Variants in DPP6 observed in about 807,000 individuals in gnomAD.
DPP6 encodes dipeptidyl peptidase like 6, also known as A-type potassium channel modulatory protein DPP6.
In DPP6, 69 loss-of-function variants were observed where a neutral mutation model predicts 122.6. The observed-to-expected ratio is 0.56, with a 90% CI of 0.46 to 0.69. DPP6 has a LOEUF of 0.69. DPP6 is among the 30% of genes least tolerant of loss of function. The pLI is 0.00. For synonymous variants in DPP6, 418 were observed against 433.1 expected, an observed-to-expected ratio of 0.97 and a Z score of 0.43; for missense variants, 928 against 1,116.9, an observed-to-expected ratio of 0.83 and a Z score of 2.41.
At chr7:154,564,869 C>T (rs1474959721) in intron 4 of DPP6, among the ~76,000 whole-genome samples, 1 of 152,204 alleles carries the variant, frequency 6.6e-6, no homozygotes, top group East Asian at 1.9e-4. Context: ...CACTATTCTG[C>T]TTTCTCATTT....
At chr7:153,809,402 C>A in the DPP6 span, among the ~76,000 whole-genome samples, 1,230 of 152,260 alleles carry the variant, frequency 8.1e-3, 4 homozygotes, top group Middle Eastern at 0.031. Context: ...TGACCCAGCG[C>A]TGTGCCTAGC....
chr7:154,767,761 G>C (rs1795999076), intron 8 of DPP6, among the ~76,000 whole-genome samples: 1 of 152,056 alleles, frequency 6.6e-6, no homozygotes, highest in African/African-American at 2.4e-5. Flanking sequence ...TTTTCCCTGA[G>C]CACTGCTCTC....
chr7:153,997,627 TTCAAACTGAGAATGC>T (rs1797506914), intron 1 of DPP6, among the ~76,000 whole-genome samples: 1 of 85,460 alleles, frequency 1.2e-5, no homozygotes, highest in Non-Finnish European at 2.7e-5. Context: ...CTGTTTTGTA[TTCAAACTGAGAATGC>T]TCATTTATAC....
rs59442707 is a variant in DPP6, at chr7:154,101,348, C to A, written c.243+48285C>A. On this transcript the variant is annotated intron_variant, in intron 1 of 25. Coordinates refer to ENST00000377770, the MANE Select transcript of DPP6 (RefSeq NM_130797.4). Reference sequence around the variant, plus strand: ...CTAGAGCCTGGAGCTCAGTAAATATCTGTGATTTCACTCTTTCTCTTTCTC... The same window carrying A: ...CTAGAGCCTGGAGCTCAGTAAATATATGTGATTTCACTCTTTCTCTTTCTC... Among the ~76,000 whole-genome samples the A allele has an allele frequency of 7.6e-3, 1,108 of 145,290 alleles. 22 individuals are homozygous for A. The highest frequency in any genetic ancestry group is 0.027 in the African/African-American group (1,066 of 40,198).
At chr7:154,310,792 G>C (rs1448098193) in intron 1 of DPP6, among the ~76,000 whole-genome samples, 3 of 152,118 alleles carry the variant, frequency 2.0e-5, no homozygotes, top group Admixed American at 2.0e-4. Flanking sequence ...CACGTGGAAA[G>C]TGTTAAGATG....
At chr7:154,636,708 G>A (rs7780964) in intron 5 of DPP6, among the ~76,000 whole-genome samples, 9,828 of 152,208 alleles carry the variant, frequency 0.065, 1,052 homozygotes, top group African/African-American at 0.22. Context: ...TGTGATTTTC[G>A]AGAAGTTAAT....
At chr7:154,008,658 C>CTT (rs57634994) in intron 1 of DPP6, among the ~76,000 whole-genome samples, 90 of 101,414 alleles carry the variant, frequency 8.9e-4, no homozygotes, top group South Asian at 1.5e-3. Flanking sequence ...TATTTCTTTT[C>CTT]TTTTTTTTTT....
chr7:154,362,291 T>C (rs1811795607), intron 1 of DPP6, among the ~76,000 whole-genome samples: 2 of 152,202 alleles, frequency 1.3e-5, no homozygotes, highest in Admixed American at 6.5e-5. Flanking sequence ...CTCTCAGGGC[T>C]CCTGCAAGTG....
chr7:154,455,749 A>G (rs6974964), intron 2 of DPP6, among the ~76,000 whole-genome samples: 94,382 of 152,038 alleles, frequency 0.62, 30,151 homozygotes, highest in East Asian at 0.9. Flanking sequence ...TATTATTCAC[A>G]CTCGTGTTAA....
chr7:154,688,569 T>C (rs1042418369), intron 7 of DPP6, among the ~76,000 whole-genome samples: 10 of 152,130 alleles, frequency 6.6e-5, no homozygotes, highest in African/African-American at 2.4e-4. Context: ...CAAGGTCCCA[T>C]AATAGGCTGC....
At chr7:154,597,734 C>A (rs1833187525) in intron 5 of DPP6, among the ~76,000 whole-genome samples, 1 of 152,134 alleles carries the variant, frequency 6.6e-6, no homozygotes, top group Admixed American at 6.5e-5. Flanking sequence ...AGTCAGAGAT[C>A]GAGGTGTCTG....
intron 10 of DPP6, among the ~76,000 whole-genome samples, chr7:154,775,136 G>A (rs562467899): frequency 5.3e-4 from 80 of 152,290 alleles, no homozygotes; most frequent in Non-Finnish European, 1.0e-3. Flanking sequence ...CCAGATTGAG[G>A]ACTACTGGTT....
chr7:153,973,675 G>GTGTGTCTC (rs61194333), intron 1 of DPP6, among the ~76,000 whole-genome samples: 1 of 132,982 alleles, frequency 7.5e-6, no homozygotes, highest in Non-Finnish European at 1.6e-5. Flanking sequence ...GTGTGTGTGT[G>GTGTGTCTC]TCTAATGGTA....
intron 1 of DPP6, among the ~76,000 whole-genome samples, chr7:153,967,120 A>C (rs1795786740): frequency 6.6e-6 from 1 of 152,066 alleles, no homozygotes; most frequent in Non-Finnish European, 1.5e-5. Flanking sequence ...GGTCAGAAGC[A>C]GATGCTAAAG....
the DPP6 span, among the ~76,000 whole-genome samples, chr7:153,761,288 T>C: frequency 6.6e-6 from 1 of 152,184 alleles, no homozygotes. Context: ...CCTTTTGATT[T>C]TAGAAATCAT....
chr7:154,228,163 T>G (rs1800718055), intron 1 of DPP6, among the ~76,000 whole-genome samples: 1 of 152,232 alleles, frequency 6.6e-6, no homozygotes, highest in Non-Finnish European at 1.5e-5. Flanking sequence ...ATTCCCAGTG[T>G]GTACTTCAAA....
the DPP6 span, among the ~76,000 whole-genome samples, chr7:153,778,114 T>C: frequency 6.7e-6 from 1 of 150,030 alleles, no homozygotes; most frequent in Non-Finnish European, 1.5e-5. Context: ...AATAAGGTTA[T>C]ATGTTAGCAA....
At chr7:154,116,332 CTT>C (rs1260284629) in intron 1 of DPP6, among the ~76,000 whole-genome samples, 2 of 152,186 alleles carry the variant, frequency 1.3e-5, no homozygotes, top group Admixed American at 6.5e-5. Context: ...GGTTCAAACT[CTT>C]TATTTTTCAT....
At chr7:154,790,501 T>C (rs1454337022) in intron 10 of DPP6, among the ~76,000 whole-genome samples, 1 of 152,140 alleles carries the variant, frequency 6.6e-6, no homozygotes, top group Non-Finnish European at 1.5e-5. Context: ...CCATTAATAG[T>C]GTTTATTGTT....
Sources: gnomAD v4.1 joint callset for allele counts (sites outside exome capture counted in the v4.1 genomes callset) on GRCh38, gnomAD v4.1.1 for gene constraint, MANE v1.5 for transcripts, NCBI Gene and HGNC (gene_info 2026-07-23, HGNC 2026-07-21) for gene names.